G2E3: variants seen among roughly 807,000 people sequenced by gnomAD.
G2E3 encodes the protein G2/M-phase specific E3 ubiquitin protein ligase, also known as G2/M phase-specific E3 ubiquitin-protein ligase.
A neutral mutation model predicts 92.8 loss-of-function variants in G2E3; 35 were observed. The observed-to-expected ratio is 0.38, with a 90% CI of 0.29 to 0.50. The LOEUF (loss-of-function observed/expected upper bound fraction) is 0.50. G2E3 is among the 20% of genes least tolerant of loss of function. The pLI, the probability that G2E3 is intolerant of heterozygous loss-of-function variation, is 0.94. For missense variants in G2E3, 554 were observed against 823.8 expected, an observed-to-expected ratio of 0.67 and a Z score of 4.01; for synonymous variants, 242 against 272.4, an observed-to-expected ratio of 0.89 and a Z score of 1.10.
At position 30,619,214 on chromosome 14, in the gene G2E3, A is replaced by G. The variant is rs1454091400; in HGVS notation, c.*2680A>G. On this transcript the variant is annotated 3_prime_UTR_variant, in exon 15 of 15. Coordinates refer to ENST00000206595, the MANE Select transcript of G2E3 (RefSeq NM_017769.5). ...CTTTTTTTGTTTGGGTTAAGTAAAA[A>G]GCCTTTGATTGATTACCAGCATGAG... is the stretch of plus-strand genomic sequence containing the variant. 3 of 152,060 alleles carry G rather than the reference A, an allele frequency of 2.0e-5. No individual in the cohort carries two copies. Among genetic ancestry groups the G allele is most frequent in the Non-Finnish European group, 4.4e-5 (3 of 67,924 alleles). The allele number at this position is 152,060 out of a possible 1,614,324, so 9.4% of individuals were successfully genotyped here. A position where few individuals can be genotyped will look rare whatever the true frequency, so the allele number is the denominator to read the frequency against.
chr14:30,589,777 CTGA>C (rs1474401941), intron 4 of G2E3, among the ~76,000 whole-genome samples: 2 of 152,038 alleles, frequency 1.3e-5, no homozygotes, highest in Non-Finnish European at 2.9e-5. Context: ...TCAATCTTCT[CTGA>C]CCATCAGAAT....
At chr14:30,565,813 C>T (rs2138765759) in intron 1 of G2E3, among the ~76,000 whole-genome samples, 1 of 151,858 alleles carries the variant, frequency 6.6e-6, no homozygotes, top group East Asian at 1.9e-4. Context: ...AGGCACCCAC[C>T]ACCACACCCG....
chr14:30,590,107 T>C (rs1264327802), intron 4 of G2E3, among the ~76,000 whole-genome samples: 2 of 152,106 alleles, frequency 1.3e-5, no homozygotes, highest in Non-Finnish European at 1.5e-5. Context: ...CGTCTCCATA[T>C]TGTCTAAGTA....
intron 3 of G2E3, among the ~76,000 whole-genome samples, chr14:30,587,303 C>T (rs146754001): frequency 5.3e-5 from 8 of 152,184 alleles, no homozygotes; most frequent in East Asian, 1.9e-4. Flanking sequence ...AGAAAGCAAA[C>T]GAGTGATTTC....
intron 6 of G2E3, among the ~76,000 whole-genome samples, chr14:30,595,696 G>A (rs1019505808): frequency 3.9e-5 from 6 of 152,170 alleles, no homozygotes; most frequent in Non-Finnish European, 5.9e-5. Flanking sequence ...CTCTAAAGGA[G>A]TTCCAATAAC....
chr14:30,601,650 A>C, intron 8 of G2E3, 120 bp from the exon 9 acceptor site: 1 of 878,392 alleles, frequency 1.1e-6, no homozygotes, highest in Non-Finnish European at 1.8e-6. Flanking sequence ...TTCCTTTAGT[A>C]AATCGATTGG....
At chr14:30,584,161 A>G (rs10143105) in intron 2 of G2E3, among the ~76,000 whole-genome samples, 9,334 of 152,264 alleles carry the variant, frequency 0.061, 930 homozygotes, top group African/African-American at 0.21. Context: ...CTTTCACTTA[A>G]CATAATATTT....
At chr14:30,607,532 G>A (rs151280805) in intron 11 of G2E3, among the ~76,000 whole-genome samples, 1 of 152,188 alleles carries the variant, frequency 6.6e-6, no homozygotes, top group Non-Finnish European at 1.5e-5. Context: ...ACATCACTAG[G>A]TCATAGGAGT....
chr14:30,560,050 T>G (rs1327552933), intron 1 of G2E3: 1 of 152,058 alleles, frequency 6.6e-6, no homozygotes, highest in Non-Finnish European at 1.5e-5. Flanking sequence ...TTATGGAGTC[T>G]TTTTGGAAGT....
In G2E3 at chr14:30,581,393, G is replaced by A. The variant is rs190762892; in HGVS notation, c.37+277G>A. Among the ~76,000 whole-genome samples, 806 of 143,708 alleles carry A rather than the reference G, an allele frequency of 5.6e-3. 3 individuals carry two copies. The highest frequency in any genetic ancestry group is 0.011 in the Middle Eastern group (3 of 274). 94.3% of individuals were successfully genotyped at this position (143,708 alleles called of 152,430 possible). ...AATGCAGATGAGAACAATTTAAACA[G>A]TGTGTAAAAGTTTAACAGGAAAAGG... On this transcript the variant is annotated intron_variant, in intron 2 of 14. Coordinates refer to ENST00000206595, the MANE Select transcript of G2E3 (RefSeq NM_017769.5).
chr14:30,599,372 C>T (rs1881450642), intron 8 of G2E3, among the ~76,000 whole-genome samples: 1 of 152,110 alleles, frequency 6.6e-6, no homozygotes, highest in Non-Finnish European at 1.5e-5. Flanking sequence ...GGATTACAGG[C>T]GCATGCCACC....
At chr14:30,587,707 C>T (rs1880788141) in intron 3 of G2E3, among the ~76,000 whole-genome samples, 1 of 152,064 alleles carries the variant, frequency 6.6e-6, no homozygotes, top group African/African-American at 2.4e-5. Context: ...GAAACCTCAG[C>T]TCCTTACCTC....
At chr14:30,599,194 C>CT (rs1291451417) in intron 8 of G2E3, among the ~76,000 whole-genome samples, 1 of 151,388 alleles carries the variant, frequency 6.6e-6, no homozygotes, top group African/African-American at 2.4e-5. Context: ...TAGGGCCCAC[C>CT]TATCTGACCT....
chr14:30,604,446 G>A (rs1380633309), intron 10 of G2E3, among the ~76,000 whole-genome samples: 1 of 152,230 alleles, frequency 6.6e-6, no homozygotes, highest in Non-Finnish European at 1.5e-5. Context: ...AGAAACTGAG[G>A]GAAGGAGTGA....
At chr14:30,601,744 A>G (rs1881577777) in intron 8 of G2E3, 26 bp from the exon 9 acceptor site, 2 of 1,613,028 alleles carry the variant, frequency 1.2e-6, no homozygotes, top group Non-Finnish European at 1.7e-6. Context: ...ACAAAATGTA[A>G]GTTCTGCTTT....
chr14:30,595,397 A>T (rs1881230355), intron 6 of G2E3, among the ~76,000 whole-genome samples: 1 of 152,190 alleles, frequency 6.6e-6, no homozygotes, highest in Non-Finnish European at 1.5e-5. Context: ...ATTTTTCATA[A>T]GATTTTTCTC....
rs937891839 is a variant in G2E3 at position 30,618,507 on chromosome 14, T to C, written c.*1973T>C. 2.0e-5 allele frequency: 3 copies of C among 151,760 alleles called. No homozygotes were observed. The highest frequency in any genetic ancestry group is 2.1e-4 in the South Asian group (1 of 4,826). 9.4% of individuals were successfully genotyped at this position (151,760 alleles called of 1,614,324 possible). On this transcript the variant is annotated 3_prime_UTR_variant, in exon 15 of 15. Transcript: ENST00000206595. ...CTGATTAAGTCACACACACATACTT[T>C]GTTGGGGTGGGGGTGGCAGGTGGAG...
At chr14:30,572,454 G>A (rs898545220) in intron 1 of G2E3, among the ~76,000 whole-genome samples, 1 of 152,112 alleles carries the variant, frequency 6.6e-6, no homozygotes, top group African/African-American at 2.4e-5. Context: ...TTTTGTATCT[G>A]TTGACATTGT....
At chr14:30,590,682 A>T (rs1314341154) in intron 4 of G2E3, 1 of 455,920 alleles carries the variant, frequency 2.2e-6, no homozygotes, top group Non-Finnish European at 4.4e-6. Context: ...AGTTAATGGT[A>T]AAAACAGAGG....
Sources: allele counts gnomAD v4.1 joint callset (sites outside exome capture counted in the v4.1 genomes callset), GRCh38; gene constraint gnomAD v4.1.1; transcripts MANE v1.5; gene names NCBI Gene and HGNC (gene_info 2026-07-23, HGNC 2026-07-21).